Variants in SOD2 observed in about 807,000 individuals in gnomAD.
SOD2 encodes superoxide dismutase 2.
A neutral mutation model predicts 27.0 loss-of-function variants in SOD2; 11 were observed. That is an observed-to-expected ratio of 0.41 (90% CI 0.26 to 0.67). The LOEUF is 0.67. Ranked by LOEUF, SOD2 falls within the 30% of genes least tolerant of loss-of-function variation. SOD2 has a pLI of 0.34. For missense variants in SOD2, 250 were observed against 274.5 expected (o/e 0.91, Z 0.63); for synonymous variants, 105 against 103.0 (o/e 1.02, Z -0.12).
chr6:159,722,530 T>C (rs981290260), intron 1 of SOD2, among the ~76,000 whole-genome samples: 3 of 152,248 alleles, frequency 2.0e-5, no homozygotes, highest in African/African-American at 7.2e-5. Flanking sequence ...TTCTCTGTAC[T>C]AGAGAGTAGA....
chr6:159,749,104 T>A, upstream of SOD2: 1 of 986,682 alleles, frequency 1.0e-6, no homozygotes, highest in Middle Eastern at 5.2e-4. Context: ...AATGGTTTGT[T>A]CTTTGAATGG....
intron 1 of SOD2, among the ~76,000 whole-genome samples, chr6:159,759,877 A>C (rs905807832): frequency 1.3e-5 from 2 of 152,214 alleles, no homozygotes; most frequent in Non-Finnish European, 2.9e-5. Flanking sequence ...AGGAAACTCT[A>C]TATCCCTTGG....
chr6:159,761,985 C>T, exon 1 of SOD2: 2 of 1,334,886 alleles, frequency 1.5e-6, no homozygotes, highest in Non-Finnish European at 2.1e-6. Context: ...GGGCGAGGGG[C>T]GGGGCTACCT....
chr6:159,757,397 CTTTTCTTTT>C (rs1046740882), intron 1 of SOD2, among the ~76,000 whole-genome samples: 3 of 149,694 alleles, frequency 2.0e-5, no homozygotes, highest in African/African-American at 7.3e-5. Flanking sequence ...CTTGATTAAC[CTTTTCTTTT>C]TTTTCTTTTT....
intron 1 of SOD2, among the ~76,000 whole-genome samples, chr6:159,750,435 G>A (rs1327760521): frequency 1.3e-5 from 2 of 152,068 alleles, no homozygotes; most frequent in Non-Finnish European, 2.9e-5. Flanking sequence ...GTAGAGAAAG[G>A]GGGAGATGAA....
upstream of SOD2, chr6:159,693,270 A>G (rs1449493392): frequency 7.9e-6 from 9 of 1,145,230 alleles, no homozygotes; most frequent in African/African-American, 1.6e-5. Flanking sequence ...GCGGGCCTTA[A>G]GAAAGCGCGG....
At chr6:159,713,118 T>G (rs774872807) in intron 1 of SOD2, 43 of 938,770 alleles carry the variant, frequency 4.6e-5, no homozygotes, top group Non-Finnish European at 6.5e-5. Context: ...GGTAAACCCC[T>G]CGTGTGTACA....
upstream of SOD2, among the ~76,000 whole-genome samples, chr6:159,696,159 T>C (rs928415744): frequency 2.6e-5 from 4 of 152,170 alleles, no homozygotes; most frequent in Non-Finnish European, 5.9e-5. Context: ...CAGTCAGTCC[T>C]GGGTTGGGAT....
chr6:159,720,044 TG>T (rs1274012157), intron 1 of SOD2, among the ~76,000 whole-genome samples: 60 of 142,696 alleles, frequency 4.2e-4, no homozygotes, highest in African/African-American at 1.6e-3. Context: ...TTTTTTTTGG[TG>T]GGGGGGACAG....
chr6:159,710,279 A>ATATATATATG (rs994820986), intron 1 of SOD2, among the ~76,000 whole-genome samples: 1 of 148,474 alleles, frequency 6.7e-6, no homozygotes, highest in African/African-American at 2.5e-5. Context: ...ACATATATAT[A>ATATATATATG]TATATATATA....
Position 159,721,192 on chromosome 6 carries a change from C to T in SOD2, c.-116+5937G>A, listed in dbSNP as rs200405511. Among the ~76,000 whole-genome samples, 875 of 150,562 alleles carry T rather than the reference C, an allele frequency of 5.8e-3. 7 individuals are homozygous for T. Among genetic ancestry groups the T allele is most frequent in the East Asian group, 0.019 (98 of 5,126 alleles). ...ATGCCATTCTCCTGCCTCAGCCTCC[C>T]GAGTAGCTGGGACCACTGGTGACCA... On this transcript the variant is annotated intron_variant, in intron 1 of 2. Coordinates refer to the SOD2 transcript ENST00000401980.
upstream of SOD2, chr6:159,727,359 G>A: frequency 8.0e-7 from 1 of 1,252,620 alleles, no homozygotes; most frequent in Non-Finnish European, 1.0e-6. Context: ...GGCGAACATG[G>A]CGGAGCGGGG....
rs557967659 is a variant in SOD2 at position 159,742,073 on chromosome 6, A to AT, written c.-116+3056dup. On this transcript the variant is annotated intron_variant, in intron 1 of 3. Coordinates refer to the SOD2 transcript ENST00000537657. Reference sequence around the variant, plus strand: ...TTTTATCGTAACAACTAATGTATGGATTTTTTTTTATTAGATGGAAACAAT... The same window carrying AT: ...TTTTATCGTAACAACTAATGTATGGATTTTTTTTTTATTAGATGGAAACAAT... The AT allele has an allele frequency of 2.6e-3, 4,066 of 1,559,350 alleles. 70 individuals carry two copies. The African/African-American group carries it at 0.044, about 17-fold the overall frequency.
intron 1 of SOD2, among the ~76,000 whole-genome samples, chr6:159,751,777 T>G (rs1186331479): frequency 2.6e-5 from 4 of 152,168 alleles, no homozygotes; most frequent in African/African-American, 7.2e-5. Context: ...TTAGAAAACA[T>G]GCAGCCAGGC....
intron 1 of SOD2, chr6:159,753,511 T>C: frequency 6.2e-7 from 1 of 1,614,160 alleles, no homozygotes. Context: ...TCCAGGAGAA[T>C]CAAGAGCTTG....
chr6:159,671,889 G>A lies in SOD2; in HGVS notation c.*10604C>T, dbSNP rs1445643449. The A allele has an allele frequency of 6.6e-6, 1 of 152,174 alleles. No individual in the cohort carries two copies. Among genetic ancestry groups the A allele is most frequent in the Non-Finnish European group, 1.5e-5 (1 of 68,034 alleles). The allele number at this position is 152,174 out of a possible 1,614,324, so 9.4% of individuals were successfully genotyped here. ...TAACTAGAATAACCAGCATAGAGAA[G>A]TCCTTAAATGACCTGATGGAGCTGA... is the stretch of plus-strand genomic sequence containing the variant. On this transcript the variant is annotated 3_prime_UTR_variant, in exon 5 of 5. Transcript: ENST00000538183.
At chr6:159,717,994 TTC>T (rs1257333157) in intron 1 of SOD2, among the ~76,000 whole-genome samples, 1 of 151,824 alleles carries the variant, frequency 6.6e-6, no homozygotes, top group African/African-American at 2.4e-5. Context: ...CTCTCTCCTT[TTC>T]TCTTTCTTTC....
intron 1 of SOD2, among the ~76,000 whole-genome samples, chr6:159,720,698 T>C (rs1778018848): frequency 6.6e-6 from 1 of 152,218 alleles, no homozygotes; most frequent in African/African-American, 2.4e-5. Context: ...TAATTATCTT[T>C]GCTAGTACTA....
rs139189510 is a variant in SOD2, at chr6:159,734,790, A to G, written c.-116+10340T>C. ...ACCCTGATTCAATTTTTTAATCCTC[A>G]TAGAATTTTTATATAAAGATTTTAT... On this transcript the variant is annotated intron_variant, in intron 1 of 3. Coordinates refer to the SOD2 transcript ENST00000537657. 2.0e-5 allele frequency among the ~76,000 whole-genome samples: 3 copies of G among 152,250 alleles called. No individual in the cohort carries two copies. In the East Asian group the frequency reaches 5.8e-4, roughly 29 times the overall value.
Sources: gnomAD v4.1 joint callset for allele counts (sites outside exome capture counted in the v4.1 genomes callset) on GRCh38, gnomAD v4.1.1 for gene constraint, MANE v1.5 for transcripts, NCBI Gene and HGNC (gene_info 2026-07-23, HGNC 2026-07-21) for gene names.